The following FRYL variants were observed in gnomAD, a reference collection of about 807,000 sequenced individuals.
The protein encoded by FRYL is FRY like transcription coactivator.
FRYL carries 150 observed loss-of-function variants against 351.2 expected under a neutral mutation model. That is an observed-to-expected ratio of 0.43 (90% CI 0.37 to 0.49). FRYL has a LOEUF of 0.49. Among genes scored for constraint, FRYL ranks in the 20% least tolerant of loss-of-function variants. FRYL has a pLI of 0.00. For missense variants in FRYL, 3,036 were observed against 3,619.3 expected, an observed-to-expected ratio of 0.84 and a Z score of 4.13; for synonymous variants, 1,153 against 1,257.1, an observed-to-expected ratio of 0.92 and a Z score of 1.75.
At chr4:48,664,263 C>T (rs1364588383) in intron 3 of FRYL, among the ~76,000 whole-genome samples, 1 of 152,118 alleles carries the variant, frequency 6.6e-6, no homozygotes, top group African/African-American at 2.4e-5. Flanking sequence ...CAAGATCAGA[C>T]AGGCCACTTG....
In FRYL at chr4:48,557,020, G is replaced by C; in HGVS notation, c.4224C>G (p.Ile1408Met). The change falls in exon 35 of 64, where the codon ATC becomes ATG. Residue 1408 changes from isoleucine to methionine, a missense_variant. Physicochemically the swap from Ile to Met is conservative, Grantham distance 10. This residue lies in a region of FRYL where 1,987 missense variants were observed against 2,311.7 expected (regional missense o/e 0.86). Coordinates refer to ENST00000358350, the MANE Select transcript of FRYL (RefSeq NM_015030.2). Reference protein sequence around the residue: ...KNLKIILHFLISICGVNSEPS... With the variant: ...KNLKIILHFLMSICGVNSEPS... ...GTTCGCTATTCACCCCACAAATGCTGATCAAAAAGTGCAAAATTATTTTCA... is the reference window on the plus strand; with the variant it reads ...GTTCGCTATTCACCCCACAAATGCTCATCAAAAAGTGCAAAATTATTTTCA... The C allele has an allele frequency of 6.2e-7, 1 of 1,608,048 alleles. No homozygotes were observed. The highest frequency in any genetic ancestry group is 2.2e-5 in the East Asian group (1 of 44,770).
intron 2 of FRYL, among the ~76,000 whole-genome samples, chr4:48,697,665 G>C (rs909351604): frequency 1.3e-5 from 2 of 152,116 alleles, no homozygotes; most frequent in African/African-American, 2.4e-5. Flanking sequence ...TTTTAGTAGA[G>C]ATGGGGTTTC....
In FRYL at chr4:48,590,747, T is replaced by C. The variant is rs768425692; in HGVS notation, c.1419A>G (p.Thr473=). 1.2e-6 allele frequency: 2 copies of C among 1,613,528 alleles called. No homozygotes were observed. The highest frequency in any genetic ancestry group is 1.7e-6 in the Non-Finnish European group (2 of 1,179,448). The change falls in exon 17 of 64, where the codon ACA becomes ACG. Residue 473 remains threonine (T), a synonymous_variant. Coordinates refer to ENST00000358350, the MANE Select transcript of FRYL (RefSeq NM_015030.2). ...TATTTCCTGAGGGAAGAATAACTCCTGTTGTTGGCATGGGTGGTTCACCAT... is the reference window on the plus strand; with the variant it reads ...TATTTCCTGAGGGAAGAATAACTCCCGTTGTTGGCATGGGTGGTTCACCAT... ...QKDGEPPMPT[T]GVILPSGNTL...
chr4:48,612,190 T>C (rs940322744), intron 7 of FRYL, among the ~76,000 whole-genome samples: 3 of 152,148 alleles, frequency 2.0e-5, no homozygotes, highest in Non-Finnish European at 2.9e-5. Flanking sequence ...CTACAACTTA[T>C]CACTCTTTGT....
At chr4:48,693,571 A>G (rs1192423720) in intron 2 of FRYL, among the ~76,000 whole-genome samples, 2 of 152,080 alleles carry the variant, frequency 1.3e-5, no homozygotes, top group African/African-American at 4.8e-5. Flanking sequence ...TAAAATAACA[A>G]TCATGGTTTA....
In FRYL at chr4:48,528,231, C is replaced by T. The variant is rs754838616; in HGVS notation, c.7009G>A (p.Gly2337Ser). The change falls in exon 51 of 64, where the codon GGT becomes AGT. Residue 2337 changes from glycine to serine, a missense_variant. Physicochemically the swap from Gly to Ser is moderately conservative, Grantham distance 56. This residue lies in a region of FRYL where 1,987 missense variants were observed against 2,311.7 expected (regional missense o/e 0.86). Coordinates refer to ENST00000358350, the MANE Select transcript of FRYL (RefSeq NM_015030.2). ...VTRSTSSTSSGSNSNALVPVS... is the reference protein window; with the variant it reads ...VTRSTSSTSSSSNSNALVPVS... ...GGAACCAAGGCATTAGAATTAGAAC[C>T]AGAAGAAGTTGAGGAAGTACTTCTA... is the stretch of plus-strand genomic sequence containing the variant. 2.5e-6 allele frequency: 4 copies of T among 1,613,214 alleles called. No individual in the cohort carries two copies. The highest frequency in any genetic ancestry group is 2.5e-6 in the Non-Finnish European group (3 of 1,179,510).
intron 1 of FRYL, among the ~76,000 whole-genome samples, chr4:48,758,276 C>T (rs1774012093): frequency 6.6e-6 from 1 of 152,172 alleles, no homozygotes; most frequent in South Asian, 2.1e-4. Context: ...AAGAAACTAC[C>T]ATCAGAGTGA....
intron 22 of FRYL, among the ~76,000 whole-genome samples, chr4:48,580,073 G>GGGC (rs1455043585): frequency 6.6e-6 from 1 of 150,732 alleles, no homozygotes; most frequent in Non-Finnish European, 1.5e-5. Context: ...CATGGCGGGG[G>GGGC]GGAATTGTAC....
chr4:48,626,335 C>T (rs149022978), intron 4 of FRYL, among the ~76,000 whole-genome samples: 3 of 152,024 alleles, frequency 2.0e-5, no homozygotes, highest in South Asian at 4.2e-4. Context: ...AAGAACTATT[C>T]GCTCTGTAAC....
rs371740622 is a variant in FRYL at position 48,512,473 on chromosome 4, T to G, written c.8145+8A>C. 1.9e-6 allele frequency: 3 copies of G among 1,603,278 alleles called. No individual in the cohort carries two copies. The African/African-American group carries it at 4.0e-5, about 21-fold the overall frequency. ...AATATGAATTCAGAAACCCTGAACCTCACTGACCTGAAACAGCCTAGAAAA... is the reference window on the plus strand; with the variant it reads ...AATATGAATTCAGAAACCCTGAACCGCACTGACCTGAAACAGCCTAGAAAA... On this transcript the variant is annotated splice_region_variant and intron_variant, in intron 57 of 63. Coordinates refer to ENST00000358350, the MANE Select transcript of FRYL (RefSeq NM_015030.2).
At chr4:48,618,256 A>G (rs1238604520) in intron 7 of FRYL, 2 of 152,188 alleles carry the variant, frequency 1.3e-5, no homozygotes, top group Admixed American at 1.3e-4. Flanking sequence ...ACATATTTAA[A>G]ATTATGTTTA....
intron 1 of FRYL, among the ~76,000 whole-genome samples, chr4:48,734,032 AC>A (rs1771014663): frequency 6.6e-6 from 1 of 152,210 alleles, no homozygotes; most frequent in South Asian, 2.1e-4. Context: ...GAAAAGAATA[AC>A]AAATATTGTA....
intron 1 of FRYL, among the ~76,000 whole-genome samples, chr4:48,722,474 C>T (rs1015990155): frequency 6.6e-6 from 1 of 150,842 alleles, no homozygotes; most frequent in Non-Finnish European, 1.5e-5. Context: ...ATATTAATAG[C>T]AACTACCTCT....
chr4:48,651,513 T>C (rs1757703314), intron 3 of FRYL, among the ~76,000 whole-genome samples: 1 of 152,110 alleles, frequency 6.6e-6, no homozygotes, highest in Non-Finnish European at 1.5e-5. Flanking sequence ...TCAGTCTGTT[T>C]TATGTATAAC....
At chr4:48,708,201 C>A (rs977891533) in intron 2 of FRYL, among the ~76,000 whole-genome samples, 5 of 151,742 alleles carry the variant, frequency 3.3e-5, no homozygotes, top group African/African-American at 9.7e-5. Flanking sequence ...ATCGCTTGAA[C>A]CCAGGAGGCG....
rs1364579372 is a variant in FRYL, at chr4:48,730,167, G to A, written c.-383-19469C>T. Among the ~76,000 whole-genome samples the A allele has an allele frequency of 6.9e-4, 105 of 152,044 alleles. 1 individual carries two copies. Among genetic ancestry groups the A allele is most frequent in the Admixed American group, 6.9e-3 (105 of 15,258 alleles). On this transcript the variant is annotated intron_variant, in intron 1 of 63. Coordinates refer to ENST00000358350, the MANE Select transcript of FRYL (RefSeq NM_015030.2). ...AGATCAAATTAATGAAATAAAGTGA[G>A]AAGACAAAATTAGAGAAAAAAAGAG...
chr4:48,599,637 G>A (rs529989056), intron 13 of FRYL, among the ~76,000 whole-genome samples: 1 of 152,102 alleles, frequency 6.6e-6, no homozygotes, highest in African/African-American at 2.4e-5. Flanking sequence ...TAAAATGGTG[G>A]ACTAGAAGAG....
rs182244766 is a variant in FRYL at position 48,674,486 on chromosome 4, T to C, written c.-81+10187A>G. On this transcript the variant is annotated intron_variant, in intron 3 of 63. Transcript: ENST00000358350. ...GCAAATAAATGATTTCTCTTAAAAA[T>C]TGCAACATAGGGAGGCCAAGGCGGG... 1.4e-3 allele frequency among the ~76,000 whole-genome samples: 216 copies of C among 151,994 alleles called. 1 individual carries two copies. The highest frequency in any genetic ancestry group is 6.9e-4 in the Non-Finnish European group (47 of 67,948).
chr4:48,555,046 G>A (rs1332225516), intron 35 of FRYL, among the ~76,000 whole-genome samples: 3 of 152,154 alleles, frequency 2.0e-5, no homozygotes, highest in Non-Finnish European at 4.4e-5. Flanking sequence ...AAATAATGTG[G>A]ATGAAGTGCT....
Sources: allele counts gnomAD v4.1 joint callset (sites outside exome capture counted in the v4.1 genomes callset), GRCh38; gene constraint gnomAD v4.1.1; regional missense constraint gnomAD v4.1.1; transcripts MANE v1.5; gene names NCBI Gene and HGNC (gene_info 2026-07-23, HGNC 2026-07-21).